RAB8B: variants seen among roughly 807,000 people sequenced by gnomAD.
RAB8B encodes the protein RAB8B, member RAS oncogene family, also known as ras-related protein Rab-8B.
A neutral mutation model predicts 32.0 loss-of-function variants in RAB8B; 11 were observed. The observed-to-expected ratio is 0.34, with a 90% CI of 0.22 to 0.57. RAB8B has a LOEUF of 0.57. RAB8B is among the 20% of genes least tolerant of loss of function. RAB8B has a pLI of 0.86. For synonymous variants in RAB8B, 103 were observed against 89.6 expected, an observed-to-expected ratio of 1.15 and a Z score of -0.85; for missense variants, 190 against 258.5, an observed-to-expected ratio of 0.73 and a Z score of 1.82.
intron 1 of RAB8B, among the ~76,000 whole-genome samples, chr15:63,215,968 G>T (rs1207049665): frequency 6.6e-6 from 1 of 151,930 alleles, no homozygotes; most frequent in Non-Finnish European, 1.5e-5. Context: ...AACCCAGGAG[G>T]TTGAGGCTGC....
In RAB8B at chr15:63,263,900, T is replaced by A. The variant is rs1273263973; in HGVS notation, c.*281T>A. 3.1e-6 allele frequency: 1 copy of A among 317,486 alleles called. No homozygotes were observed. Among genetic ancestry groups the A allele is most frequent in the African/African-American group, 2.1e-5 (1 of 46,854 alleles). The allele number at this position is 317,486 out of a possible 1,614,324, so 19.7% of individuals were successfully genotyped here. A position where few individuals can be genotyped will look rare whatever the true frequency, so the allele number is the denominator to read the frequency against. On this transcript the variant is annotated 3_prime_UTR_variant, in exon 8 of 8. Transcript: ENST00000321437. ...CCTGTTGCAGAAGCGGTTATCTTTC[T>A]TTTTTACTTTGCACATCAGTGTTAG...
At chr15:63,191,347 G>A (rs751176697) in intron 1 of RAB8B, among the ~76,000 whole-genome samples, 2 of 152,088 alleles carry the variant, frequency 1.3e-5, no homozygotes, top group Non-Finnish European at 2.9e-5. Flanking sequence ...ATTAGTAAAG[G>A]CTATGGTTTG....
intron 1 of RAB8B, among the ~76,000 whole-genome samples, chr15:63,221,608 G>A (rs1405599093): frequency 6.6e-6 from 1 of 152,076 alleles, no homozygotes; most frequent in East Asian, 1.9e-4. Flanking sequence ...TAATTGTGAA[G>A]CTATAAGACA....
rs375072024 is a variant in RAB8B at position 63,210,117 on chromosome 15, TGTG to T, written c.124+20376_124+20378del. On this transcript the variant is annotated intron_variant, in intron 1 of 7. Transcript: ENST00000321437. ...GAGTAGGATTCAGGCCTGCTGTAGT[TGTG>T]GTGGTGAAGTGGAGAAGTTGCATGT... 8.0e-4 allele frequency among the ~76,000 whole-genome samples: 122 copies of T among 152,328 alleles called. 1 individual carries two copies. The highest frequency in any genetic ancestry group is 2.8e-3 in the African/African-American group (116 of 41,562).
Position 63,259,572 on chromosome 15 carries a change from C to G in RAB8B, c.415-55C>G. On this transcript the variant is annotated intron_variant, in intron 5 of 7. Coordinates refer to ENST00000321437, the MANE Select transcript of RAB8B (RefSeq NM_016530.3). The surrounding 1 kb of genome is among the most constrained non-coding windows in gnomAD (Gnocchi z 4.4). ...TTGAAAAACCTAAGAAATACAAATG[C>G]ATTATGTGTTCAAGTATCTTTTGCT... 1 of 1,434,042 alleles carries G rather than the reference C, an allele frequency of 7.0e-7. No individual in the cohort carries two copies. Among genetic ancestry groups the G allele is most frequent in the Non-Finnish European group, 9.8e-7 (1 of 1,019,626 alleles). The allele number at this position is 1,434,042 out of a possible 1,614,324, so 88.8% of individuals were successfully genotyped here.
intron 1 of RAB8B, among the ~76,000 whole-genome samples, chr15:63,224,275 A>G (rs758356163): frequency 6.6e-6 from 1 of 152,210 alleles, no homozygotes; most frequent in Non-Finnish European, 1.5e-5. Context: ...TATTCATCCC[A>G]TGTTGGAAGA....
chr15:63,203,545 C>G (rs529974028), intron 1 of RAB8B, among the ~76,000 whole-genome samples: 2 of 152,322 alleles, frequency 1.3e-5, no homozygotes, highest in East Asian at 3.9e-4. Flanking sequence ...AGGGTAGGTC[C>G]AGACAGCTGT....
intron 7 of RAB8B, 83 bp from the exon 8 acceptor site, chr15:63,263,444 G>T: frequency 2.0e-6 from 2 of 991,568 alleles, no homozygotes; most frequent in South Asian, 1.3e-5. Flanking sequence ...ACATGGTATG[G>T]TTAGTTATTT....
Position 63,256,998 on chromosome 15 carries a change from T to C in RAB8B, c.414+404T>C, listed in dbSNP as rs2152583641. Among the ~76,000 whole-genome samples the C allele has an allele frequency of 2.0e-5, 3 of 152,352 alleles. 1 individual carries two copies. The East Asian group carries it at 5.8e-4, about 29-fold the overall frequency. ...CAGGAATCATTTTCCAATTCATTTT[T>C]TTCCCTAAGAATATTTTACTACACA... On this transcript the variant is annotated intron_variant, in intron 5 of 7. Coordinates refer to ENST00000321437, the MANE Select transcript of RAB8B (RefSeq NM_016530.3).
At chr15:63,240,417 A>G (rs959457077) in intron 1 of RAB8B, among the ~76,000 whole-genome samples, 1 of 152,126 alleles carries the variant, frequency 6.6e-6, no homozygotes, top group Non-Finnish European at 1.5e-5. Context: ...GATCCTGTCA[A>G]CCTTTTTTTA....
intron 1 of RAB8B, among the ~76,000 whole-genome samples, chr15:63,221,589 C>T (rs183689622): frequency 6.6e-6 from 1 of 152,282 alleles, no homozygotes; most frequent in Admixed American, 6.5e-5. Flanking sequence ...CTGTCCCGAA[C>T]TGCCCAGTTA....
At chr15:63,236,983 A>G (rs1411312877) in intron 1 of RAB8B, among the ~76,000 whole-genome samples, 1 of 152,168 alleles carries the variant, frequency 6.6e-6, no homozygotes, top group Non-Finnish European at 1.5e-5. Context: ...CCCACAAATA[A>G]ATTAGAACAT....
rs147705083 is a variant in RAB8B at position 63,231,576 on chromosome 15, G to C, written c.125-13180G>C. On this transcript the variant is annotated intron_variant, in intron 1 of 7. Coordinates refer to ENST00000321437, the MANE Select transcript of RAB8B (RefSeq NM_016530.3). The stretch of plus-strand genomic sequence containing the variant: ...CCTTAAATGAAACAGATCTGACTCA[G>C]TTGTCAGAATTCAAACAAGGAAATT... 5.5e-3 allele frequency among the ~76,000 whole-genome samples: 834 copies of C among 151,072 alleles called. 7 individuals are homozygous for C. Among genetic ancestry groups the C allele is most frequent in the African/African-American group, 0.018 (743 of 41,112 alleles).
rs113623947 is a variant in RAB8B, at chr15:63,244,908, A to C, written c.185+92A>C. On this transcript the variant is annotated intron_variant, in intron 2 of 7. Coordinates refer to ENST00000321437, the MANE Select transcript of RAB8B (RefSeq NM_016530.3). ...TGTAATAAGTTAGAGGCATCTTGTG[A>C]TAGCTAAAACATCTTTTCTTTATCG... The C allele has an allele frequency of 2.3e-4, 246 of 1,079,538 alleles. 4 individuals are homozygous for C. In the African/African-American group the frequency reaches 3.0e-3, roughly 13 times the overall value. 66.9% of individuals were successfully genotyped at this position (1,079,538 alleles called of 1,614,324 possible).
intron 1 of RAB8B, among the ~76,000 whole-genome samples, chr15:63,227,691 G>T (rs746312474): frequency 6.6e-6 from 1 of 152,126 alleles, no homozygotes; most frequent in Non-Finnish European, 1.5e-5. Context: ...AAAATAATCT[G>T]TGCATACCTG....
Position 63,265,346 on chromosome 15 carries a change from C to T in RAB8B, c.*1727C>T, listed in dbSNP as rs2038237967. ...AGCTATTTTTAATAGATATACTAAA[C>T]TTATTGTTGACAAATTTCAGCCTCC... On this transcript the variant is annotated 3_prime_UTR_variant, in exon 8 of 8. Coordinates refer to ENST00000321437, the MANE Select transcript of RAB8B (RefSeq NM_016530.3). This position sits in a 1 kb window ranked among gnomAD's most constrained non-coding sequence, Gnocchi z 4.9. 1 of 151,432 alleles carries T rather than the reference C, an allele frequency of 6.6e-6. No individual in the cohort carries two copies. Among genetic ancestry groups the T allele is most frequent in the African/African-American group, 2.4e-5 (1 of 41,226 alleles). The allele number at this position is 151,432 out of a possible 1,614,324, so 9.4% of individuals were successfully genotyped here.
At chr15:63,202,291 A>G (rs1296115602) in intron 1 of RAB8B, among the ~76,000 whole-genome samples, 2 of 118,154 alleles carry the variant, frequency 1.7e-5, no homozygotes, top group African/African-American at 3.1e-5. Context: ...AAGAAAAAAG[A>G]AAAAAAAGAA....
At chr15:63,255,475 G>A in intron 3 of RAB8B, 32 bp from the exon 4 acceptor site, 2 of 1,413,680 alleles carry the variant, frequency 1.4e-6, no homozygotes, top group Non-Finnish European at 2.0e-6. Flanking sequence ...AATATATAAA[G>A]TACTAAATAA....
intron 1 of RAB8B, among the ~76,000 whole-genome samples, chr15:63,240,260 A>C (rs9672258): frequency 0.23 from 35,490 of 152,070 alleles, 4,460 homozygotes; most frequent in Admixed American, 0.32. Flanking sequence ...ATGTTGGCAC[A>C]GTATCCTGGA....
Sources: gnomAD v4.1 joint callset for allele counts (sites outside exome capture counted in the v4.1 genomes callset) on GRCh38, gnomAD v4.1.1 for gene constraint, Gnocchi (gnomAD v3.1) non-coding constraint, MANE v1.5 for transcripts, NCBI Gene and HGNC (gene_info 2026-07-23, HGNC 2026-07-21) for gene names.